PRG4: variants seen among roughly 807,000 people sequenced by gnomAD.
PRG4 encodes the protein articular superficial zone protein.
A neutral mutation model predicts 91.2 loss-of-function variants in PRG4; 61 were observed. That is an observed-to-expected ratio of 0.67 (90% CI 0.54 to 0.83). The LOEUF (loss-of-function observed/expected upper bound fraction) is 0.83, where lower values mean the gene tolerates loss of function less well. PRG4 is among the 40% of genes least tolerant of loss of function. The pLI, the probability that PRG4 is intolerant of heterozygous loss-of-function variation, is 0.00. For synonymous variants in PRG4, 576 were observed against 614.2 expected (o/e 0.94, Z 0.92); for missense variants, 1,564 against 1,714.2 (o/e 0.91, Z 1.55).
In PRG4 at chr1:186,308,199, C is replaced by T. The variant is rs1303895947; in HGVS notation, c.2480C>T (p.Ala827Val). Residue 827 changes from alanine to valine, a missense_variant, in exon 7 of 13, where the codon GCT becomes GTT. By Grantham distance (64) the Ala-to-Val change is moderately conservative. This residue lies in a region of PRG4 where 1,079 missense variants were observed against 1,162.2 expected (regional missense o/e 0.93). Transcript: ENST00000445192. ...KPAPTTPKET[A>V]PTTPKEPAPT... ...GCTCCAACTACACCTAAGGAGACTG[C>T]TCCAACTACCCCCAAGGAGCCTGCA... The T allele has an allele frequency of 6.2e-6, 10 of 1,611,914 alleles. No homozygotes were observed. The highest frequency in any genetic ancestry group is 1.6e-4 in the Middle Eastern group (1 of 6,076).
Position 186,311,262 on chromosome 1 carries a change from T to C in PRG4, c.3636+92T>C, listed in dbSNP as rs546881184. 47 of 1,437,046 alleles carry C rather than the reference T, an allele frequency of 3.3e-5. No individual in the cohort carries two copies. In the South Asian group the frequency reaches 3.4e-4, roughly 10 times the overall value. The allele number at this position is 1,437,046 out of a possible 1,614,324, so 89.0% of individuals were successfully genotyped here. ...ATATTGCCTTAACCTCCAATATGTG[T>C]CCTTTTAAATACTCTGTCATCAAAA... On this transcript the variant is annotated intron_variant, in intron 9 of 12. Transcript: ENST00000445192.
chr1:186,312,940 GA>G lies in PRG4; in HGVS notation c.4117+50del, dbSNP rs750079793. 12 of 1,571,090 alleles carry G rather than the reference GA, an allele frequency of 7.6e-6. No individual in the cohort carries two copies. The South Asian group carries it at 1.3e-4, about 17-fold the overall frequency. ...TTCCCAAGGAGGTGATATCATTTGT[GA>G]AAACATGAAGATAAAGTAAAAATGC... On this transcript the variant is annotated intron_variant, in intron 12 of 12. Coordinates refer to ENST00000445192, the MANE Select transcript of PRG4 (RefSeq NM_005807.6).
Position 186,307,610 on chromosome 1 carries a change from A to C in PRG4, c.1891A>C (p.Lys631Gln), listed in dbSNP as rs1281194373. 2 of 1,304,334 alleles carry C rather than the reference A, an allele frequency of 1.5e-6. No individual in the cohort carries two copies. Among genetic ancestry groups the C allele is most frequent in the African/African-American group, 4.1e-5 (2 of 49,100 alleles). 80.8% of individuals were successfully genotyped at this position (1,304,334 alleles called of 1,614,324 possible). Residue 631 changes from lysine (K) to glutamine (Q), a missense_variant, in exon 7 of 13, where the codon AAG (lysine) becomes CAG (glutamine). Coordinates refer to ENST00000445192, the MANE Select transcript of PRG4 (RefSeq NM_005807.6). ...GAAGCTCACGCCCACCACCCCCGAG[A>C]AGCTCGCACCCACCACCCCTGAGAA... ...PKKLTPTTPE[K>Q]LAPTTPEKPA...
Position 186,313,858 on chromosome 1 carries a change from A to G in PRG4, c.*80A>G. ...ACTGAAAAACATTTTATTAATAAAG[A>G]ATATTGACATGAGTATACCAGTTTA... is the stretch of plus-strand genomic sequence containing the variant. On this transcript the variant is annotated 3_prime_UTR_variant, in exon 13 of 13. Coordinates refer to ENST00000445192, the MANE Select transcript of PRG4 (RefSeq NM_005807.6). The G allele has an allele frequency of 6.8e-7, 1 of 1,470,012 alleles. No individual in the cohort carries two copies. Among genetic ancestry groups the G allele is most frequent in the South Asian group, 1.1e-5 (1 of 87,910 alleles). The allele number at this position is 1,470,012 out of a possible 1,614,324, so 91.1% of individuals were successfully genotyped here.
Position 186,308,013 on chromosome 1 carries a change from C to T in PRG4, c.2294C>T (p.Pro765Leu). 1.2e-6 allele frequency: 2 copies of T among 1,609,470 alleles called. No individual in the cohort carries two copies. Among genetic ancestry groups the T allele is most frequent in the Non-Finnish European group, 8.5e-7 (1 of 1,178,926 alleles). ...KGTAPTTPKE[P>L]APTTPKEPAP... ...ACTGCTCCAACTACCCCTAAGGAGC[C>T]TGCTCCAACTACCCCTAAGGAGCCT... is the stretch of plus-strand genomic sequence containing the variant. Residue 765 changes from proline (P) to leucine (L), a missense_variant, in exon 7 of 13, where the codon CCT (proline) becomes CTT (leucine). Pro to Leu is a moderately conservative substitution (Grantham distance 98). Coordinates refer to ENST00000445192, the MANE Select transcript of PRG4 (RefSeq NM_005807.6).
chr1:186,305,835 G>A (rs1571561334), intron 6 of PRG4, among the ~76,000 whole-genome samples: 1 of 152,140 alleles, frequency 6.6e-6, no homozygotes, highest in African/African-American at 2.4e-5. Context: ...ATAGCCCTAT[G>A]TATGGGAACA....
chr1:186,306,663 A>G lies in PRG4; in HGVS notation c.944A>G (p.Lys315Arg). Reference protein sequence around the residue: ...TSAKETQSIEKTSAKDLAPTS... With the variant: ...TSAKETQSIERTSAKDLAPTS... ...GCTAAAGAGACACAAAGTATAGAGAAAACATCTGCTAAAGATTTAGCACCC... is the reference window on the plus strand; with the variant it reads ...GCTAAAGAGACACAAAGTATAGAGAGAACATCTGCTAAAGATTTAGCACCC... The change falls in exon 7 of 13, where the codon AAA becomes AGA. Residue 315 changes from lysine to arginine, a missense_variant. Coordinates refer to ENST00000445192, the MANE Select transcript of PRG4 (RefSeq NM_005807.6). 6.2e-7 allele frequency: 1 copy of G among 1,613,752 alleles called. No homozygotes were observed. The highest frequency in any genetic ancestry group is 8.5e-7 in the Non-Finnish European group (1 of 1,179,764).
chr1:186,312,339 T>G lies in PRG4; in HGVS notation c.3958T>G (p.Tyr1320Asp), dbSNP rs757562982. 11 of 1,609,530 alleles carry G rather than the reference T, an allele frequency of 6.8e-6. No homozygotes were observed. In the South Asian group the frequency reaches 1.0e-4, roughly 15 times the overall value. ...PSQTHTIRIQ[Y>D]SPARLAYQDK... ...TCAAACACACACCATCAGAATTCAATATTCACCTGCCAGACTGGCTTATCA... is the reference window on the plus strand; with the variant it reads ...TCAAACACACACCATCAGAATTCAAGATTCACCTGCCAGACTGGCTTATCA... Residue 1320 changes from tyrosine to aspartate, a missense_variant, in exon 11 of 13, where the codon TAT becomes GAT. Physicochemically the swap from Tyr to Asp is radical, Grantham distance 160. Transcript: ENST00000445192.
chr1:186,299,953 G>A, intron 2 of PRG4, 138 bp from the exon 3 acceptor site: 1 of 940,630 alleles, frequency 1.1e-6, no homozygotes, highest in Non-Finnish European at 1.7e-6. Flanking sequence ...TATCAGCTGG[G>A]CCTATTGCTG....
chr1:186,313,778 G>T lies in PRG4; in HGVS notation c.4215G>T (p.Ter1405TyrextTer13). ...CCAAAGTCTGGTACAACTGTCCTTA[G>T]ACTGATGAGCAAAGGAGGAGTCAAC... Reference protein sequence around the residue: ...TLSKVWYNCP* With the variant: ...TLSKVWYNCPY Residue 1405 changes from the stop codon to tyrosine (Y), a stop_lost, in exon 13 of 13, where the codon TAG becomes TAT. Transcript: ENST00000445192. 1 of 1,593,006 alleles carries T rather than the reference G, an allele frequency of 6.3e-7. No homozygotes were observed. Among genetic ancestry groups the T allele is most frequent in the South Asian group, 1.1e-5 (1 of 90,656 alleles).
At chr1:186,296,361 T>G (rs1655861471) in intron 1 of PRG4, 68 bp downstream of exon 1, 1 of 155,304 alleles carries the variant, frequency 6.4e-6, no homozygotes, top group Non-Finnish European at 1.4e-5. Flanking sequence ...TGAAAAAAAA[T>G]GTGTAAAGAT....
chr1:186,300,280 C>T, intron 3 of PRG4, 67 bp downstream of exon 3: 5 of 1,604,622 alleles, frequency 3.1e-6, no homozygotes, highest in Non-Finnish European at 4.3e-6. Context: ...CCCCCTTGCA[C>T]CCTCGTGCAG....
chr1:186,313,845 T>C lies in PRG4; in HGVS notation c.*67T>C. 1 of 1,494,112 alleles carries C rather than the reference T, an allele frequency of 6.7e-7. No individual in the cohort carries two copies. The highest frequency in any genetic ancestry group is 9.3e-7 in the Non-Finnish European group (1 of 1,071,556). 92.6% of individuals were successfully genotyped at this position (1,494,112 alleles called of 1,614,324 possible). On this transcript the variant is annotated 3_prime_UTR_variant, in exon 13 of 13. Coordinates refer to ENST00000445192, the MANE Select transcript of PRG4 (RefSeq NM_005807.6). The stretch of plus-strand genomic sequence containing the variant: ...AATAAATTTTGACACTGAAAAACAT[T>C]TTATTAATAAAGAATATTGACATGA...
At chr1:186,296,345 G>A (rs1260883265) in intron 1 of PRG4, 52 bp downstream of exon 1, 1 of 155,798 alleles carries the variant, frequency 6.4e-6, no homozygotes, top group Non-Finnish European at 1.4e-5. Flanking sequence ...TTTCATTAGA[G>A]GTGTTTGAAA....
At chr1:186,312,455 T>TG in intron 11 of PRG4, 83 bp downstream of exon 11, 6 of 1,286,766 alleles carry the variant, frequency 4.7e-6, no homozygotes, top group Non-Finnish European at 6.5e-6. Flanking sequence ...TTATGAAATA[T>TG]GGATACTGAT....
Position 186,314,557 on chromosome 1 carries a change from G to T in PRG4, c.*779G>T. 2 of 1,191,056 alleles carry T rather than the reference G, an allele frequency of 1.7e-6. No homozygotes were observed. The highest frequency in any genetic ancestry group is 2.0e-4 in the Middle Eastern group (1 of 5,016). 73.8% of individuals were successfully genotyped at this position (1,191,056 alleles called of 1,614,324 possible). On this transcript the variant is annotated 3_prime_UTR_variant, in exon 13 of 13. Transcript: ENST00000445192. ...TTAAAAAAATAAATTGGAGGCTTAA[G>T]GATTAGAAAACTTGTTCCATTTATT... is the stretch of plus-strand genomic sequence containing the variant.
intron 5 of PRG4, 86 bp downstream of exon 5, chr1:186,304,343 A>T (rs1382111311): frequency 6.9e-7 from 1 of 1,448,154 alleles, no homozygotes; most frequent in Non-Finnish European, 9.7e-7. Context: ...ATTCTCAGAG[A>T]ACAGGGTAAT....
chr1:186,312,925 G>T lies in PRG4; in HGVS notation c.4117+31G>T, dbSNP rs752479638. 1.2e-5 allele frequency: 19 copies of T among 1,593,286 alleles called. No homozygotes were observed. In the South Asian group the frequency reaches 2.1e-4, roughly 18 times the overall value. On this transcript the variant is annotated intron_variant, in intron 12 of 12. Transcript: ENST00000445192. ...GTATTAACTAACAGTTTCCCAAGGA[G>T]GTGATATCATTTGTGAAAACATGAA...
rs767635485 is a variant in PRG4, at chr1:186,312,881, T to C, written c.4104T>C (p.Tyr1368=). The C allele has an allele frequency of 1.2e-6, 2 of 1,612,406 alleles. No homozygotes were observed. The highest frequency in any genetic ancestry group is 1.1e-5 in the South Asian group (1 of 91,056). Residue 1368 remains tyrosine, a synonymous_variant, in exon 12 of 13, where the codon TAT becomes TAC. Coordinates refer to ENST00000445192, the MANE Select transcript of PRG4 (RefSeq NM_005807.6). ...NIRKPDGYDY[Y]AFSKDQYYNI... is the part of the protein sequence containing the mutation. ...GAAAACCTGACGGCTATGATTACTA[T>C]GCCTTTTCTAAAGGTAAGGTATTAA... is the stretch of plus-strand genomic sequence containing the variant.
Sources: allele counts gnomAD v4.1 joint callset (sites outside exome capture counted in the v4.1 genomes callset), GRCh38; gene constraint gnomAD v4.1.1; regional missense constraint gnomAD v4.1.1; transcripts MANE v1.5; gene names NCBI Gene and HGNC (gene_info 2026-07-23, HGNC 2026-07-21).